Variants in AGAP2 observed in about 807,000 individuals in gnomAD.
AGAP2 encodes ArfGAP with GTPase domain, ankyrin repeat and PH domain 2.
AGAP2 carries 32 observed loss-of-function variants against 110.9 expected under a neutral mutation model. The observed-to-expected ratio is 0.29, with a 90% confidence interval of 0.22 to 0.39. The LOEUF is 0.39. Among genes scored for constraint, AGAP2 ranks in the 10% least tolerant of loss-of-function variants. The pLI, the probability that AGAP2 is intolerant of heterozygous loss-of-function variation, is 1.00. For missense variants in AGAP2, 1,285 were observed against 1,638.5 expected (o/e 0.78, Z 3.72); for synonymous variants, 702 against 713.0 (o/e 0.98, Z 0.25).
chr12:57,731,837 G>A lies in AGAP2; in HGVS notation c.1925C>T (p.Ala642Val). Residue 642 changes from alanine to valine, a missense_variant, in exon 8 of 19, where the codon GCA becomes GTA. Ala to Val is a moderately conservative substitution (Grantham distance 64). Coordinates refer to ENST00000547588, the MANE Select transcript of AGAP2 (RefSeq NM_001122772.3). ...GLSTPGSLHR[A>V]AKRRTSLFAN... Reference sequence around the variant, plus strand: ...AAAAAGGCTGGTCCTGCGCTTGGCTGCCCGGTGCAGGGACCCTGGGGTGCT... The same window carrying A: ...AAAAAGGCTGGTCCTGCGCTTGGCTACCCGGTGCAGGGACCCTGGGGTGCT... The A allele has an allele frequency of 6.3e-7, 1 of 1,591,156 alleles. No individual in the cohort carries two copies. Among genetic ancestry groups the A allele is most frequent in the Non-Finnish European group, 8.6e-7 (1 of 1,169,084 alleles).
At chr12:57,729,893 C>A in intron 12 of AGAP2, 126 bp from the exon 13 acceptor site, 1 of 1,334,582 alleles carries the variant, frequency 7.5e-7, no homozygotes, top group South Asian at 1.5e-5. Flanking sequence ...TGTCCCTCTC[C>A]AGGAGTTCCC....
upstream of AGAP2, among the ~76,000 whole-genome samples, chr12:57,739,367 T>C (rs1955049208): frequency 6.6e-6 from 1 of 152,080 alleles, no homozygotes; most frequent in Non-Finnish European, 1.5e-5. Flanking sequence ...CCAGCTCCCT[T>C]TCCCACTCAC....
At position 57,731,342 on chromosome 12, in the gene AGAP2, T is replaced by C. The variant is rs7312995; in HGVS notation, c.2145+24A>G. On this transcript the variant is annotated intron_variant, in intron 10 of 18. Coordinates refer to ENST00000547588, the MANE Select transcript of AGAP2 (RefSeq NM_001122772.3). ...TTGAGGGAAATCCAAAGCTGGCCAA[T>C]GTGGCCCAGTCTCTGCCACTCACGT... 6,184 of 1,582,500 alleles carry C rather than the reference T, an allele frequency of 3.9e-3. 182 individuals carry two copies. The African/African-American group carries it at 0.07, about 18-fold the overall frequency.
upstream of AGAP2, among the ~76,000 whole-genome samples, chr12:57,741,500 G>T (rs1955076459): frequency 6.6e-6 from 1 of 152,104 alleles, no homozygotes; most frequent in South Asian, 2.1e-4. Context: ...TCTACAGCTG[G>T]AGAACAAGAG....
chr12:57,737,885 G>A lies in AGAP2; in HGVS notation c.362C>T (p.Pro121Leu). The change falls in exon 1 of 19, where the codon CCC becomes CTC. Residue 121 changes from proline to leucine, a missense_variant. Physicochemically the swap from Pro to Leu is moderately conservative, Grantham distance 98. Coordinates refer to ENST00000547588, the MANE Select transcript of AGAP2 (RefSeq NM_001122772.3). The surrounding 1 kb of genome is among the most constrained non-coding windows in gnomAD (Gnocchi z 5.9). Reference protein sequence around the residue: ...RLSLWAVPPGPPLSGGLSPDP... With the variant: ...RLSLWAVPPGLPLSGGLSPDP... The stretch of plus-strand genomic sequence containing the variant: ...GGGGCTCAGTCCCCCGGAGAGCGGG[G>A]GTCCCGGAGGGACGGCCCAGAGGGA... The A allele has an allele frequency of 1.4e-6, 2 of 1,412,380 alleles. No homozygotes were observed. Among genetic ancestry groups the A allele is most frequent in the East Asian group, 2.8e-5 (1 of 35,120 alleles). The allele number at this position is 1,412,380 out of a possible 1,614,324, so 87.5% of individuals were successfully genotyped here. A position where few individuals can be genotyped will look rare whatever the true frequency, so the allele number is the denominator to read the frequency against.
downstream of AGAP2, chr12:57,723,888 T>C (rs1018621671): frequency 1.3e-5 from 2 of 152,146 alleles, no homozygotes; most frequent in African/African-American, 4.8e-5. Flanking sequence ...CCTTATTTCC[T>C]TCCCATATTC....
chr12:57,741,966 C>A (rs200519529), upstream of AGAP2: 47 of 1,614,200 alleles, frequency 2.9e-5, no homozygotes, highest in Non-Finnish European at 4.0e-5. Flanking sequence ...GGGTCGTCCA[C>A]CCTCTCTGCC....
rs1481670236 is a variant in AGAP2 at position 57,727,741 on chromosome 12, C to T, written c.2797G>A (p.Ala933Thr). 1.3e-6 allele frequency: 2 copies of T among 1,589,900 alleles called. No individual in the cohort carries two copies. The highest frequency in any genetic ancestry group is 1.7e-6 in the Non-Finnish European group (2 of 1,167,112). The change falls in exon 16 of 19, where the codon GCC (alanine) becomes ACC (threonine). Residue 933 changes from alanine (A) to threonine (T), a missense_variant. By Grantham distance (58) the Ala-to-Thr change is moderately conservative. Transcript: ENST00000547588. ...LRTDSQSEAV[A>T]IQAIRNAKGN... The stretch of plus-strand genomic sequence containing the variant: ...TTGGCGTTCCGGATCGCCTGGATGG[C>T]CACGGCCTCGCTTTGGCTGTCTGTG...
rs776392882 is a variant in AGAP2 at position 57,726,989 on chromosome 12, C to T, written c.3321G>A (p.Thr1107=). ...GCTCACGTACCCACAGCAGCAGTTG[C>T]GTGATGACGACGTGGGCGAGCTCGG... ...LAAELAHVVI[T]QLLLWYGADV... is the part of the protein sequence containing the mutation. Residue 1107 remains threonine, a synonymous_variant, in exon 18 of 19, where the codon ACG becomes ACA. Coordinates refer to ENST00000547588, the MANE Select transcript of AGAP2 (RefSeq NM_001122772.3). This position sits in a 1 kb window ranked among gnomAD's most constrained non-coding sequence, Gnocchi z 5.7. The T allele has an allele frequency of 1.4e-5, 23 of 1,593,562 alleles. No individual in the cohort carries two copies. In the East Asian group the frequency reaches 4.9e-4, roughly 34 times the overall value.
At chr12:57,738,776 G>A (rs1174646604), upstream of AGAP2, among the ~76,000 whole-genome samples, 1 of 151,628 alleles carries the variant, frequency 6.6e-6, no homozygotes, top group Non-Finnish European at 1.5e-5. This position sits in a 1 kb window ranked among gnomAD's most constrained non-coding sequence, Gnocchi z 6.7. Flanking sequence ...GCAGGGGCGC[G>A]GGGAGGATGC....
rs1451621674 is a variant in AGAP2, at chr12:57,727,214, C to T, written c.3096G>A (p.Ser1032=). 6.2e-7 allele frequency: 1 copy of T among 1,612,156 alleles called. No homozygotes were observed. The highest frequency in any genetic ancestry group is 1.1e-5 in the South Asian group (1 of 90,908). The change falls in exon 18 of 19, where the codon TCG becomes TCA. Residue 1032 remains serine (S), a synonymous_variant. Transcript: ENST00000547588. ...SRDSSREERE[S]WIRAKYEQLL... ...GCTGCTCGTACTTGGCGCGAATCCA[C>T]GACTCGCGCTCCTCCCTGCAAGACC...
chr12:57,738,675 T>G lies in AGAP2; in HGVS notation c.-429A>C, dbSNP rs912317571. Among the ~76,000 whole-genome samples, 1 of 145,796 alleles carries G rather than the reference T, an allele frequency of 6.9e-6. No homozygotes were observed. The highest frequency in any genetic ancestry group is 2.2e-4 in the South Asian group (1 of 4,582). On this transcript the variant is annotated 5_prime_UTR_variant, in exon 1 of 19. Coordinates refer to ENST00000547588, the MANE Select transcript of AGAP2 (RefSeq NM_001122772.3). This position sits in a 1 kb window ranked among gnomAD's most constrained non-coding sequence, Gnocchi z 6.7. ...TGCGGGGGAGGCAGGGGCGGGGAAT[T>G]GGGACTCAAGGGACAGGGGCCGCGG...
chr12:57,737,112 C>G lies in AGAP2; in HGVS notation c.1135G>C (p.Glu379Gln). Residue 379 changes from glutamate (E) to glutamine (Q), a missense_variant, in exon 1 of 19, where the codon GAG becomes CAG. This residue lies in a region of AGAP2 where 844 missense variants were observed against 941.2 expected (regional missense o/e 0.90). Transcript: ENST00000547588. This position sits in a 1 kb window ranked among gnomAD's most constrained non-coding sequence, Gnocchi z 5.9. ...GCGCGGAGCTCGGCGCCCAGCAGCT[C>G]CCTGGACCCGCTGCCAGAAGACAGG... The part of the protein sequence containing the change: ...PSLSSGSGSR[E>Q]LLGAELRASP... The G allele has an allele frequency of 6.4e-7, 1 of 1,566,918 alleles. No homozygotes were observed. The highest frequency in any genetic ancestry group is 1.4e-5 in the African/African-American group (1 of 73,786).
At position 57,737,515 on chromosome 12, in the gene AGAP2, C is replaced by G. The variant is rs1295259921; in HGVS notation, c.732G>C (p.Gly244=). The change falls in exon 1 of 19, where the codon GGG becomes GGC. Residue 244 remains glycine, a synonymous_variant. Transcript: ENST00000547588. The surrounding 1 kb of genome is among the most constrained non-coding windows in gnomAD (Gnocchi z 5.9). ...VSAAATAAAA[G]GGGSTASTSG... The stretch of plus-strand genomic sequence containing the variant: ...AGGTCGAAGCTGTAGAGCCCCCTCC[C>G]CCGGCGGCGGCGGCGGTGGCGGCGG... 1 of 1,583,632 alleles carries G rather than the reference C, an allele frequency of 6.3e-7. No homozygotes were observed. Among genetic ancestry groups the G allele is most frequent in the Admixed American group, 1.8e-5 (1 of 54,528 alleles).
chr12:57,734,736 G>A (rs1954948850), intron 2 of AGAP2, 57 bp from the exon 3 acceptor site: 2 of 1,509,206 alleles, frequency 1.3e-6, no homozygotes, highest in Non-Finnish European at 1.8e-6. Context: ...CAGGATGCAT[G>A]GGTCTGGACA....
chr12:57,729,912 A>G (rs1954852361), intron 12 of AGAP2, 145 bp from the exon 13 acceptor site: 1 of 1,170,638 alleles, frequency 8.5e-7, no homozygotes, highest in Non-Finnish European at 1.2e-6. Context: ...CCCCTTGATC[A>G]TTCCTGGGGA....
chr12:57,724,340 C>T (rs1210072149), downstream of AGAP2: 2 of 152,334 alleles, frequency 1.3e-5, no homozygotes, highest in Non-Finnish European at 2.9e-5. Context: ...TGGCTGTGCC[C>T]AACCTGCACT....
At chr12:57,727,897 G>A in intron 15 of AGAP2, 40 bp downstream of exon 15, 1 of 1,611,274 alleles carries the variant, frequency 6.2e-7, no homozygotes, top group East Asian at 2.2e-5. Context: ...ACCAGGGTCA[G>A]TTCCTGCGGC....
chr12:57,737,638 GC>G lies in AGAP2; in HGVS notation c.608del (p.Gly203AlafsTer91). On this transcript the variant is annotated frameshift_variant, in exon 1 of 19. Coordinates refer to ENST00000547588, the MANE Select transcript of AGAP2 (RefSeq NM_001122772.3). LOFTEE classifies it high-confidence loss of function. The surrounding 1 kb of genome is among the most constrained non-coding windows in gnomAD (Gnocchi z 5.9). ...VTTSGAKAGG[G>X]KGAGSRLSWP... is the part of the protein sequence containing the mutation. Reference sequence around the variant, plus strand: ...ATGACAGGCGGCTACCCGCGCCCTTGCCCCCGCCGGCTTTGGCTCCACTCGT... The same window carrying G: ...ATGACAGGCGGCTACCCGCGCCCTTGCCCCGCCGGCTTTGGCTCCACTCGT... 1 of 1,547,146 alleles carries G rather than the reference GC, an allele frequency of 6.5e-7. No homozygotes were observed. The highest frequency in any genetic ancestry group is 8.7e-7 in the Non-Finnish European group (1 of 1,146,732).
Sources: allele counts gnomAD v4.1 joint callset (sites outside exome capture counted in the v4.1 genomes callset), GRCh38; gene constraint gnomAD v4.1.1; regional missense constraint gnomAD v4.1.1; non-coding constraint Gnocchi (gnomAD v3.1); transcripts MANE v1.5; gene names NCBI Gene and HGNC (gene_info 2026-07-23, HGNC 2026-07-21).